NAA25: variants seen among roughly 807,000 people sequenced by gnomAD.
NAA25 encodes the protein N-terminal acetyltransferase B complex subunit NAA25.
A neutral mutation model predicts 132.5 loss-of-function variants in NAA25; 30 were observed. The observed-to-expected ratio is 0.23, with a 90% CI of 0.17 to 0.31. NAA25 has a LOEUF of 0.31. Ranked by LOEUF, NAA25 falls within the 10% of genes least tolerant of loss-of-function variation. NAA25 has a pLI of 1.00. For missense variants in NAA25, 771 were observed against 1,150.4 expected (o/e 0.67, Z 4.77); for synonymous variants, 359 against 401.9 (o/e 0.89, Z 1.28).
rs74639915 is a variant in NAA25, at chr12:112,049,731, A to G, written c.1729-1288T>C. ...ATACCTTCTAGCTTGATTAAAGGAC[A>G]GTGATACACCCTATCAAGAGGAGGC... On this transcript the variant is annotated intron_variant, in intron 15 of 23. Transcript: ENST00000261745. This position sits in a 1 kb window ranked among gnomAD's most constrained non-coding sequence, Gnocchi z 4.7. 2.4e-3 allele frequency: 1,602 copies of G among 668,268 alleles called. 22 individuals carry two copies. In the African/African-American group the frequency reaches 0.03, roughly 12 times the overall value. The allele number at this position is 668,268 out of a possible 1,614,324, so 41.4% of individuals were successfully genotyped here.
intron 6 of NAA25, 44 bp from the exon 7 acceptor site, chr12:112,078,310 A>G: frequency 1.5e-6 from 2 of 1,376,182 alleles, no homozygotes; most frequent in Non-Finnish European, 2.0e-6. Flanking sequence ...AAACTTTTCA[A>G]TAATAAAAAG....
chr12:112,099,022 CTG>C (rs1442169786), intron 1 of NAA25, among the ~76,000 whole-genome samples: 1 of 151,264 alleles, frequency 6.6e-6, no homozygotes, highest in East Asian at 1.9e-4. Flanking sequence ...GAGTCTCACT[CTG>C]TCGCCAGGCT....
chr12:112,031,240 C>A (rs1355869047), intron 23 of NAA25, among the ~76,000 whole-genome samples: 2 of 152,116 alleles, frequency 1.3e-5, no homozygotes, highest in Non-Finnish European at 2.9e-5. Context: ...AGTCCAGAGG[C>A]CTTATTCACA....
intron 11 of NAA25, among the ~76,000 whole-genome samples, chr12:112,062,017 C>A (rs904553260): frequency 6.6e-6 from 1 of 152,016 alleles, no homozygotes; most frequent in African/African-American, 2.4e-5. Context: ...AAATAAAACC[C>A]ACATACCAGT....
At position 112,072,053 on chromosome 12, in the gene NAA25, CCTT is replaced by C. The variant is rs745904144; in HGVS notation, c.875_877del (p.Glu292del). ...TTTTTCTGCAGAATAATGTACTTCTCCTTCTAAAGAGCTGAGGAAAAGCACATG... is the reference window on the plus strand; with the variant it reads ...TTTTTCTGCAGAATAATGTACTTCTCCTAAAGAGCTGAGGAAAAGCACATG... On this transcript the variant is annotated inframe_deletion, in exon 10 of 24. Transcript: ENST00000261745. The C allele has an allele frequency of 6.2e-7, 1 of 1,612,364 alleles. No homozygotes were observed. The highest frequency in any genetic ancestry group is 8.5e-7 in the Non-Finnish European group (1 of 1,179,266).
chr12:112,086,557 G>A (rs981450845), intron 4 of NAA25, among the ~76,000 whole-genome samples: 2 of 152,048 alleles, frequency 1.3e-5, no homozygotes, highest in African/African-American at 2.4e-5. Flanking sequence ...TTAAAATATA[G>A]AGACTGATTT....
At chr12:112,095,277 A>G (rs1018964636) in intron 1 of NAA25, among the ~76,000 whole-genome samples, 2 of 151,932 alleles carry the variant, frequency 1.3e-5, no homozygotes, top group African/African-American at 4.8e-5. Context: ...CTCTACTAAA[A>G]ATACAAAAAA....
At chr12:112,081,227 A>T in intron 4 of NAA25, 93 bp from the exon 5 acceptor site, 1 of 1,015,418 alleles carries the variant, frequency 9.8e-7, no homozygotes, top group Non-Finnish European at 1.5e-6. Context: ...TTGGGAGAAC[A>T]GCAATATATT....
intron 1 of NAA25, among the ~76,000 whole-genome samples, chr12:112,094,875 G>C (rs1165846451): frequency 1.3e-5 from 2 of 152,010 alleles, no homozygotes; most frequent in Non-Finnish European, 2.9e-5. Context: ...GGCCAGGCTA[G>C]TCTCGAACTC....
intron 4 of NAA25, 116 bp downstream of exon 4, chr12:112,087,567 A>C: frequency 4.4e-6 from 3 of 680,456 alleles, no homozygotes; most frequent in Non-Finnish European, 7.6e-6. Flanking sequence ...CCACACAGAA[A>C]AATCCATAAA....
intron 4 of NAA25, among the ~76,000 whole-genome samples, chr12:112,081,404 T>C (rs151134815): frequency 6.6e-6 from 1 of 152,340 alleles, no homozygotes; most frequent in African/African-American, 2.4e-5. Context: ...AATATAGTTC[T>C]AGGAGACTAC....
intron 7 of NAA25, among the ~76,000 whole-genome samples, chr12:112,077,256 T>C (rs767797273): frequency 1.6e-4 from 25 of 151,904 alleles, no homozygotes; most frequent in Non-Finnish European, 3.2e-4. Flanking sequence ...GCAGATCACT[T>C]GAGGTTAGGA....
intron 3 of NAA25, among the ~76,000 whole-genome samples, chr12:112,090,032 A>G (rs1319012355): frequency 5.2e-4 from 2 of 3,876 alleles, no homozygotes; most frequent in Non-Finnish European, 8.8e-4. Context: ...AGGTTTCCCT[A>G]TGTTGGCCGG....
chr12:112,088,141 G>T (rs556296287), intron 3 of NAA25, among the ~76,000 whole-genome samples: 2 of 151,954 alleles, frequency 1.3e-5, no homozygotes, highest in Admixed American at 1.3e-4. Context: ...TAAACTCTTC[G>T]CTCTGCCTGA....
intron 18 of NAA25, 104 bp from the exon 19 acceptor site, chr12:112,043,315 G>T: frequency 1.6e-6 from 2 of 1,239,186 alleles, no homozygotes; most frequent in Non-Finnish European, 2.2e-6. Flanking sequence ...CAGCGGTTCA[G>T]CTAAAAGCCA....
chr12:112,073,310 T>A (rs1360167752), intron 9 of NAA25, among the ~76,000 whole-genome samples: 1 of 152,138 alleles, frequency 6.6e-6, no homozygotes, highest in East Asian at 1.9e-4. Flanking sequence ...TGGGGTCTTG[T>A]ACATTTTATT....
intron 17 of NAA25, among the ~76,000 whole-genome samples, chr12:112,045,581 G>A (rs115470896): frequency 0.016 from 2,420 of 151,670 alleles, 71 homozygotes; most frequent in African/African-American, 0.054. Flanking sequence ...GATCAACAGA[G>A]GTCATGAGTT....
chr12:112,069,855 C>A (rs184473030), intron 10 of NAA25, among the ~76,000 whole-genome samples: 16 of 151,438 alleles, frequency 1.1e-4, no homozygotes, highest in Middle Eastern at 3.4e-3. Context: ...AGGCCGGGTG[C>A]AGTGGCTCAT....
At chr12:112,038,044 C>T (rs562111398) in intron 22 of NAA25, among the ~76,000 whole-genome samples, 1 of 152,212 alleles carries the variant, frequency 6.6e-6, no homozygotes, top group South Asian at 2.1e-4. Flanking sequence ...GACGGAGTCT[C>T]GCTCTGTCAT....
Sources: gnomAD v4.1 joint callset for allele counts (sites outside exome capture counted in the v4.1 genomes callset) on GRCh38, gnomAD v4.1.1 for gene constraint, Gnocchi (gnomAD v3.1) non-coding constraint, MANE v1.5 for transcripts, NCBI Gene and HGNC (gene_info 2026-07-23, HGNC 2026-07-21) for gene names.